The following DLG2 variants were observed in gnomAD, a reference collection of about 807,000 sequenced individuals.
DLG2 encodes disks large homolog 2.
Under a neutral mutation model 132.5 loss-of-function variants are expected in DLG2, and 45 were observed. That is an observed-to-expected ratio of 0.34 (90% CI 0.27 to 0.44). The LOEUF (loss-of-function observed/expected upper bound fraction) is 0.44, where lower values mean the gene tolerates loss of function less well. Ranked by LOEUF, DLG2 falls within the 20% of genes least tolerant of loss-of-function variation. The pLI is 1.00. For synonymous variants in DLG2, 424 were observed against 419.6 expected, an observed-to-expected ratio of 1.01 and a Z score of -0.13; for missense variants, 1,045 against 1,196.9, an observed-to-expected ratio of 0.87 and a Z score of 1.87.
At chr11:85,516,792 A>T (rs572664057) in intron 3 of DLG2, among the ~76,000 whole-genome samples, 1 of 152,030 alleles carries the variant, frequency 6.6e-6, no homozygotes, top group East Asian at 1.9e-4. Context: ...AACTTTCCCA[A>T]TAAAGGAAAA....
intron 3 of DLG2, among the ~76,000 whole-genome samples, chr11:85,369,318 C>G (rs538511342): frequency 6.6e-6 from 1 of 152,140 alleles, no homozygotes; most frequent in Admixed American, 6.5e-5. Context: ...CCTTTCCCCC[C>G]GCCAAGAGGT....
chr11:84,528,187 C>A (rs546108918), intron 7 of DLG2, among the ~76,000 whole-genome samples: 1 of 152,182 alleles, frequency 6.6e-6, no homozygotes, highest in South Asian at 2.1e-4. Flanking sequence ...AAAGAAAATT[C>A]TTGTGGTTTA....
At chr11:84,309,770 G>A (rs1333262252) in intron 7 of DLG2, among the ~76,000 whole-genome samples, 2 of 152,330 alleles carry the variant, frequency 1.3e-5, no homozygotes, top group East Asian at 3.9e-4. Context: ...TAGGGAGATA[G>A]AACGTTTGTA....
intron 6 of DLG2, among the ~76,000 whole-genome samples, chr11:84,630,688 A>G (rs2099630038): frequency 6.6e-6 from 1 of 151,954 alleles, no homozygotes; most frequent in South Asian, 2.1e-4. Context: ...TTCTATCTGA[A>G]TAACACATTA....
chr11:85,589,077 G>C (rs755071810), intron 3 of DLG2, among the ~76,000 whole-genome samples: 1 of 152,174 alleles, frequency 6.6e-6, no homozygotes, highest in Non-Finnish European at 1.5e-5. Context: ...GAGGTGGCAG[G>C]GGCGTGAAAT....
intron 11 of DLG2, among the ~76,000 whole-genome samples, chr11:84,001,630 C>T (rs1215129131): frequency 1.3e-5 from 2 of 152,122 alleles, no homozygotes; most frequent in Non-Finnish European, 2.9e-5. Context: ...TATCACATGA[C>T]TGCAGAATAC....
At chr11:83,520,122 A>G (rs2095425301) in intron 21 of DLG2, among the ~76,000 whole-genome samples, 1 of 152,364 alleles carries the variant, frequency 6.6e-6, no homozygotes, top group Admixed American at 6.5e-5. Flanking sequence ...AAATCTTTAC[A>G]AATGTTCATG....
intron 3 of DLG2, among the ~76,000 whole-genome samples, chr11:85,539,281 A>G (rs984906070): frequency 3.3e-5 from 5 of 149,440 alleles, no homozygotes; most frequent in African/African-American, 1.3e-4. Context: ...ATTTAATCTA[A>G]GCATAAAAAT....
intron 3 of DLG2, chr11:85,469,767 C>T (rs958890463): frequency 1.3e-5 from 2 of 152,176 alleles, no homozygotes; most frequent in Non-Finnish European, 2.9e-5. Context: ...CCAGGGAGCT[C>T]TAAAAGAAGC....
chr11:85,582,658 T>TAC (rs2078613213), intron 3 of DLG2, among the ~76,000 whole-genome samples: 3 of 10,534 alleles, frequency 2.8e-4, no homozygotes, highest in Non-Finnish European at 5.7e-4. Context: ...ACCCCATCTC[T>TAC]ACAAAAAAAA....
At chr11:85,258,983 A>G (rs1354408823) in intron 4 of DLG2, among the ~76,000 whole-genome samples, 2 of 152,240 alleles carry the variant, frequency 1.3e-5, no homozygotes, top group Admixed American at 6.5e-5. Context: ...ACTGAGCTTC[A>G]TAGAGAGTAA....
chr11:84,666,966 T>A (rs2099700353), intron 6 of DLG2, among the ~76,000 whole-genome samples: 1 of 152,158 alleles, frequency 6.6e-6, no homozygotes, highest in Non-Finnish European at 1.5e-5. Flanking sequence ...ATTTATGTGT[T>A]GTCCTATCTA....
intron 14 of DLG2, among the ~76,000 whole-genome samples, chr11:83,945,108 T>C (rs2083510047): frequency 6.6e-6 from 1 of 152,152 alleles, no homozygotes; most frequent in Admixed American, 6.5e-5. Flanking sequence ...CGGTGGATAT[T>C]ACATATAGCT....
intron 3 of DLG2, among the ~76,000 whole-genome samples, chr11:85,304,616 C>T (rs1236924694): frequency 1.3e-5 from 2 of 152,046 alleles, no homozygotes; most frequent in African/African-American, 4.8e-5. Flanking sequence ...TTCAGGTATT[C>T]AGATTTGGGA....
chr11:84,859,326 C>T (rs2083246316), intron 6 of DLG2, among the ~76,000 whole-genome samples: 1 of 144,336 alleles, frequency 6.9e-6, no homozygotes, highest in East Asian at 2.0e-4. Context: ...TGTATATCTA[C>T]ATATATAGGT....
At chr11:84,067,527 A>C (rs1465735155) in intron 10 of DLG2, among the ~76,000 whole-genome samples, 1 of 148,690 alleles carries the variant, frequency 6.7e-6, no homozygotes, top group Non-Finnish European at 1.5e-5. Context: ...GTTTATGCTC[A>C]CAGAGAGGAG....
intron 22 of DLG2, among the ~76,000 whole-genome samples, chr11:83,480,901 C>T (rs1054850343): frequency 7.9e-5 from 12 of 151,908 alleles, no homozygotes; most frequent in African/African-American, 2.2e-4. Context: ...CCCTGGAATC[C>T]CTTGAATTTT....
intron 8 of DLG2, among the ~76,000 whole-genome samples, chr11:84,222,654 G>A (rs759089283): frequency 2.0e-5 from 3 of 152,268 alleles, no homozygotes; most frequent in Admixed American, 1.3e-4. Flanking sequence ...CTTATAGCCT[G>A]AGAACCTGAG....
chr11:83,666,066 AG>A (rs1302662587), intron 18 of DLG2, among the ~76,000 whole-genome samples: 1 of 152,124 alleles, frequency 6.6e-6, no homozygotes. Context: ...TTTCAAGATT[AG>A]CCCCTTCCAT....
Sources: gnomAD v4.1 joint callset for allele counts (sites outside exome capture counted in the v4.1 genomes callset) on GRCh38, gnomAD v4.1.1 for gene constraint, MANE v1.5 for transcripts, NCBI Gene and HGNC (gene_info 2026-07-23, HGNC 2026-07-21) for gene names.